EYA2: variants seen among roughly 807,000 people sequenced by gnomAD.
EYA2 encodes EYA transcriptional coactivator and phosphatase 2.
A neutral mutation model predicts 69.2 loss-of-function variants in EYA2; 31 were observed. That is an observed-to-expected ratio of 0.45 (90% CI 0.34 to 0.60). The LOEUF is 0.60. EYA2 is among the 20% of genes least tolerant of loss of function. The pLI is 0.02. For synonymous variants in EYA2, 257 were observed against 279.4 expected (o/e 0.92, Z 0.80); for missense variants, 622 against 701.2 (o/e 0.89, Z 1.28).
chr20:47,037,533 A>G (rs1984791841), intron 5 of EYA2, among the ~76,000 whole-genome samples: 1 of 152,170 alleles, frequency 6.6e-6, no homozygotes, highest in Admixed American at 6.5e-5. Context: ...TTATCTTACC[A>G]TTTTGGATGT....
Position 47,178,779 on chromosome 20 carries a change from GGATGGGTGGATGGGTGGGTGGGTA to G in EYA2, c.1199-995_1199-972del, listed in dbSNP as rs1415535094. On this transcript the variant is annotated intron_variant, in intron 12 of 15. Transcript: ENST00000327619. ...TGGATGAATGTGGGGGTAGATAGGT[GGATGGGTGGATGGGTGGGTGGGTA>G]GATGGGTGGATGGGTGGGTGGGTGG... 6.2e-5 allele frequency among the ~76,000 whole-genome samples: 8 copies of G among 128,380 alleles called. No individual in the cohort carries two copies. In the East Asian group the frequency reaches 9.0e-4, roughly 15 times the overall value. 84.2% of individuals were successfully genotyped at this position (128,380 alleles called of 152,430 possible). A position where few individuals can be genotyped will look rare whatever the true frequency, so the allele number is the denominator to read the frequency against.
chr20:47,113,119 C>T (rs2032796532), intron 9 of EYA2, among the ~76,000 whole-genome samples: 1 of 152,038 alleles, frequency 6.6e-6, no homozygotes, highest in Non-Finnish European at 1.5e-5. Flanking sequence ...GTGATACGCC[C>T]ACCTCAGCCT....
intron 5 of EYA2, among the ~76,000 whole-genome samples, chr20:47,065,856 T>G (rs1323668632): frequency 6.6e-6 from 1 of 152,222 alleles, no homozygotes; most frequent in Non-Finnish European, 1.5e-5. Context: ...CTGTCTGGAA[T>G]TATCTCACTT....
intron 10 of EYA2, among the ~76,000 whole-genome samples, chr20:47,153,317 C>T (rs1260185008): frequency 1.3e-5 from 2 of 151,812 alleles, no homozygotes; most frequent in East Asian, 2.0e-4. Flanking sequence ...CAGGATGAAG[C>T]GTAGGTTTGT....
At chr20:46,920,376 T>C (rs1346982235) in intron 1 of EYA2, among the ~76,000 whole-genome samples, 3 of 152,216 alleles carry the variant, frequency 2.0e-5, no homozygotes, top group East Asian at 3.8e-4. Flanking sequence ...ATTTAAAAAA[T>C]GGTCTGTTAT....
At chr20:46,946,986 C>A (rs903949966) in intron 1 of EYA2, among the ~76,000 whole-genome samples, 2 of 152,206 alleles carry the variant, frequency 1.3e-5, no homozygotes, top group African/African-American at 4.8e-5. Flanking sequence ...TATTGGAAAG[C>A]AGCCACACCC....
chr20:46,948,503 C>T (rs768136443), intron 1 of EYA2, among the ~76,000 whole-genome samples: 4 of 152,132 alleles, frequency 2.6e-5, no homozygotes, highest in African/African-American at 7.2e-5. Context: ...CCCCAAGTGA[C>T]GATAAGCTGC....
At chr20:46,990,160 G>A (rs761438803) in intron 2 of EYA2, 41 bp downstream of exon 2, 1 of 1,065,928 alleles carries the variant, frequency 9.4e-7, no homozygotes, top group Non-Finnish European at 1.5e-6. Context: ...AGGTGTGGTG[G>A]TCCTAGGTCA....
chr20:47,104,964 T>A (rs1358240743), intron 9 of EYA2, among the ~76,000 whole-genome samples: 1 of 152,180 alleles, frequency 6.6e-6, no homozygotes, highest in African/African-American at 2.4e-5. Flanking sequence ...GAGGCTGCAG[T>A]GAACCAAGAT....
At chr20:46,976,680 C>T (rs567746035) in intron 1 of EYA2, among the ~76,000 whole-genome samples, 16 of 152,286 alleles carry the variant, frequency 1.1e-4, no homozygotes, top group African/African-American at 2.6e-4. Context: ...CCACCATGCC[C>T]GGACCCTAAG....
intron 12 of EYA2, among the ~76,000 whole-genome samples, chr20:47,176,920 T>C (rs1320697696): frequency 6.6e-6 from 1 of 151,574 alleles, no homozygotes; most frequent in Non-Finnish European, 1.5e-5. Flanking sequence ...GCCTCCCAAG[T>C]AGCTGGGAAT....
At chr20:46,974,837 A>G (rs997833199) in intron 1 of EYA2, among the ~76,000 whole-genome samples, 3 of 152,178 alleles carry the variant, frequency 2.0e-5, no homozygotes, top group African/African-American at 7.2e-5. Flanking sequence ...CCAGGAATCA[A>G]GCAGAACATG....
chr20:46,902,870 A>G lies in EYA2; in HGVS notation c.-11+7883A>G, dbSNP rs555709252. On this transcript the variant is annotated intron_variant, in intron 1 of 15. Coordinates refer to ENST00000327619, the MANE Select transcript of EYA2 (RefSeq NM_005244.5). Reference sequence around the variant, plus strand: ...TGAACAGCCGTACTACAAAGACCATACGGCCTGCAAAGACTATCTGGCCCT... The same window carrying G: ...TGAACAGCCGTACTACAAAGACCATGCGGCCTGCAAAGACTATCTGGCCCT... Among the ~76,000 whole-genome samples the G allele has an allele frequency of 2.0e-5, 3 of 152,342 alleles. No homozygotes were observed. In the East Asian group the frequency reaches 5.8e-4, roughly 29 times the overall value.
At chr20:47,023,839 T>C (rs186481598) in intron 5 of EYA2, among the ~76,000 whole-genome samples, 33 of 152,156 alleles carry the variant, frequency 2.2e-4, no homozygotes, top group African/African-American at 7.7e-4. Flanking sequence ...GGTTTTGCCA[T>C]GTTGGCCAGG....
At chr20:46,971,070 A>G (rs1004399849) in intron 1 of EYA2, among the ~76,000 whole-genome samples, 1 of 123,672 alleles carries the variant, frequency 8.1e-6, no homozygotes, top group Non-Finnish European at 1.7e-5. Flanking sequence ...GAAATTCTCC[A>G]TAAAGTTGCT....
At chr20:46,915,638 T>C (rs1007974767) in intron 1 of EYA2, among the ~76,000 whole-genome samples, 5 of 152,326 alleles carry the variant, frequency 3.3e-5, no homozygotes, top group East Asian at 1.9e-4. Flanking sequence ...TTCTTTGGCC[T>C]GAGATTGTTT....
intron 1 of EYA2, among the ~76,000 whole-genome samples, chr20:46,916,599 T>C (rs1052680690): frequency 2.6e-5 from 4 of 152,228 alleles, no homozygotes; most frequent in Admixed American, 2.0e-4. Flanking sequence ...GGCTTTACCA[T>C]ACATTTAAGC....
rs117107935 is a variant in EYA2 at position 47,147,112 on chromosome 20, G to C, written c.978+3964G>C. Among the ~76,000 whole-genome samples the C allele has an allele frequency of 5.3e-3, 762 of 142,640 alleles. 23 individuals carry two copies. The East Asian group carries it at 0.087, about 16-fold the overall frequency. 93.6% of individuals were successfully genotyped at this position (142,640 alleles called of 152,430 possible). A position where few individuals can be genotyped will look rare whatever the true frequency, so the allele number is the denominator to read the frequency against. Reference sequence around the variant, plus strand: ...ACTCTGTTGTCCAGGCTGGAGGTACGATCTTGTCGCACTGCAACCTCTGCC... The same window carrying C: ...ACTCTGTTGTCCAGGCTGGAGGTACCATCTTGTCGCACTGCAACCTCTGCC... On this transcript the variant is annotated intron_variant, in intron 10 of 15. Transcript: ENST00000327619.
chr20:47,148,623 G>A (rs923322410), intron 10 of EYA2, among the ~76,000 whole-genome samples: 6 of 152,086 alleles, frequency 3.9e-5, no homozygotes, highest in African/African-American at 7.2e-5. Flanking sequence ...CATAAATATC[G>A]ACACTCCCTC....
Sources: allele counts gnomAD v4.1 joint callset (sites outside exome capture counted in the v4.1 genomes callset), GRCh38; gene constraint gnomAD v4.1.1; transcripts MANE v1.5; gene names NCBI Gene and HGNC (gene_info 2026-07-23, HGNC 2026-07-21).